GRID2: variants seen among roughly 807,000 people sequenced by gnomAD.
The protein encoded by GRID2 is glutamate receptor ionotropic, delta-2.
A neutral mutation model predicts 114.8 loss-of-function variants in GRID2; 33 were observed. That is an observed-to-expected ratio of 0.29 (90% CI 0.22 to 0.38). The LOEUF (loss-of-function observed/expected upper bound fraction) is 0.38, where lower values mean the gene tolerates loss of function less well. Ranked by LOEUF, GRID2 falls within the 10% of genes least tolerant of loss-of-function variation. The probability of loss-of-function intolerance (pLI) is 1.00; values close to 1 mark genes in which losing one functional copy is unlikely to be tolerated. For missense variants in GRID2, 1,184 were observed against 1,257.7 expected, an observed-to-expected ratio of 0.94 and a Z score of 0.89; for synonymous variants, 505 against 449.9, an observed-to-expected ratio of 1.12 and a Z score of -1.55.
intron 14 of GRID2, among the ~76,000 whole-genome samples, chr4:93,765,612 A>ATATATATATATATATATATGAGG (rs1733600309): frequency 8.6e-6 from 1 of 115,688 alleles, no homozygotes; most frequent in South Asian, 2.5e-4. Flanking sequence ...GAGGTATTAT[A>ATATATATATATATATATATGAGG]TATATATATA....
intron 2 of GRID2, among the ~76,000 whole-genome samples, chr4:92,661,219 G>A (rs1419026181): frequency 6.6e-6 from 1 of 150,788 alleles, no homozygotes; most frequent in African/African-American, 2.4e-5. Flanking sequence ...AACTAATAAA[G>A]AGGTGTTCTA....
At chr4:93,077,580 T>C (rs1174522217) in intron 2 of GRID2, among the ~76,000 whole-genome samples, 2 of 152,210 alleles carry the variant, frequency 1.3e-5, no homozygotes, top group East Asian at 3.8e-4. Flanking sequence ...TAATATGATC[T>C]GATTATCATT....
At chr4:92,399,963 A>G (rs1332498793) in intron 1 of GRID2, among the ~76,000 whole-genome samples, 3 of 152,126 alleles carry the variant, frequency 2.0e-5, no homozygotes, top group South Asian at 2.1e-4. Flanking sequence ...GCTGGAAAAG[A>G]TTTTAAAGAT....
intron 9 of GRID2, among the ~76,000 whole-genome samples, chr4:93,409,680 T>C (rs1560590638): frequency 6.6e-6 from 1 of 152,210 alleles, no homozygotes; most frequent in Non-Finnish European, 1.5e-5. Flanking sequence ...CCATGTAGTT[T>C]CTGCAACCTG....
At chr4:92,492,421 G>A (rs375564856) in intron 1 of GRID2, among the ~76,000 whole-genome samples, 1 of 152,160 alleles carries the variant, frequency 6.6e-6, no homozygotes, top group East Asian at 1.9e-4. Flanking sequence ...GCATTATTCT[G>A]TAATCAGGCA....
chr4:92,951,329 A>C (rs933386269), intron 2 of GRID2, among the ~76,000 whole-genome samples: 3 of 149,728 alleles, frequency 2.0e-5, no homozygotes, highest in African/African-American at 7.5e-5. Flanking sequence ...AAATTCGCAA[A>C]ATTTTTTATT....
intron 14 of GRID2, among the ~76,000 whole-genome samples, chr4:93,672,004 AT>A (rs1724466567): frequency 7.5e-6 from 1 of 132,510 alleles, no homozygotes; most frequent in African/African-American, 2.9e-5. Context: ...ATAAAAAAAT[AT>A]AATAAACCAG....
chr4:92,711,706 C>T (rs764111251), intron 2 of GRID2, among the ~76,000 whole-genome samples: 18 of 152,052 alleles, frequency 1.2e-4, no homozygotes, highest in Non-Finnish European at 2.4e-4. Context: ...AGTTTGAGAA[C>T]AGCCTGGGCA....
intron 9 of GRID2, among the ~76,000 whole-genome samples, chr4:93,421,298 G>A (rs1768262167): frequency 6.6e-6 from 1 of 152,142 alleles, no homozygotes; most frequent in African/African-American, 2.4e-5. Context: ...TAGGACTACA[G>A]ATTGTCTTTA....
intron 8 of GRID2, among the ~76,000 whole-genome samples, chr4:93,304,286 A>G (rs1339652304): frequency 6.7e-6 from 1 of 148,788 alleles, no homozygotes; most frequent in Non-Finnish European, 1.5e-5. Flanking sequence ...ATATAAGAGA[A>G]CCCACTGTTA....
At chr4:92,618,669 G>T (rs1472650650) in intron 2 of GRID2, among the ~76,000 whole-genome samples, 6 of 151,490 alleles carry the variant, frequency 4.0e-5, no homozygotes, top group Non-Finnish European at 7.4e-5. Context: ...GTTATTTTGG[G>T]TTTCTTTCAT....
At chr4:93,014,236 C>T (rs1348871591) in intron 2 of GRID2, among the ~76,000 whole-genome samples, 1 of 151,998 alleles carries the variant, frequency 6.6e-6, no homozygotes, top group Non-Finnish European at 1.5e-5. Context: ...CTGGAAACTG[C>T]ATGCCTGATC....
At chr4:92,365,430 A>G (rs142756959) in intron 1 of GRID2, among the ~76,000 whole-genome samples, 121 of 152,098 alleles carry the variant, frequency 8.0e-4, no homozygotes, top group African/African-American at 2.8e-3. Context: ...TTTAAAAAAC[A>G]TTGATTTCAT....
chr4:93,555,973 G>T (rs1734279971), intron 13 of GRID2, among the ~76,000 whole-genome samples: 1 of 152,168 alleles, frequency 6.6e-6, no homozygotes, highest in Non-Finnish European at 1.5e-5. Context: ...ACGGAGTCTG[G>T]AGTGGACCTC....
intron 14 of GRID2, among the ~76,000 whole-genome samples, chr4:93,751,811 G>A (rs920301322): frequency 6.6e-6 from 1 of 152,176 alleles, no homozygotes; most frequent in Non-Finnish European, 1.5e-5. Flanking sequence ...CTCAAGGCCT[G>A]TAACCCGGCT....
At chr4:92,566,317 G>A (rs1270118815) in intron 1 of GRID2, among the ~76,000 whole-genome samples, 1 of 151,756 alleles carries the variant, frequency 6.6e-6, no homozygotes, top group African/African-American at 2.4e-5. Flanking sequence ...TGATGCCCCA[G>A]AGTCATTATT....
intron 8 of GRID2, among the ~76,000 whole-genome samples, chr4:93,347,212 A>G (rs1560524338): frequency 6.6e-6 from 1 of 151,984 alleles, no homozygotes; most frequent in Admixed American, 6.6e-5. Context: ...TTCAGAATAA[A>G]TTTCAAGTTG....
intron 1 of GRID2, among the ~76,000 whole-genome samples, chr4:92,557,119 G>GT (rs1176671150): frequency 6.6e-6 from 1 of 151,924 alleles, no homozygotes; most frequent in African/African-American, 2.4e-5. Context: ...CCCCTTCTTG[G>GT]TTTTTGTTTG....
chr4:93,433,198 T>A (rs10018947), intron 10 of GRID2, among the ~76,000 whole-genome samples: 105,137 of 152,156 alleles, frequency 0.69, 36,844 homozygotes, highest in African/African-American at 0.81. Context: ...TAGAAAATAA[T>A]ATCTATCTGA....
Sources: allele counts gnomAD v4.1 joint callset (sites outside exome capture counted in the v4.1 genomes callset), GRCh38; gene constraint gnomAD v4.1.1; transcripts MANE v1.5; gene names NCBI Gene and HGNC (gene_info 2026-07-23, HGNC 2026-07-21).